NSUN3: variants seen among roughly 807,000 people sequenced by gnomAD.
NSUN3 encodes the protein NOP2/Sun RNA methyltransferase 3.
In NSUN3, 24 loss-of-function variants were observed where a neutral mutation model predicts 36.8. The ratio of observed to expected loss-of-function variants is 0.65; its 90% CI spans 0.47 to 0.92. NSUN3 has a LOEUF of 0.92. Ranked by LOEUF, NSUN3 falls within the 40% of genes least tolerant of loss-of-function variation. The pLI, the probability that NSUN3 is intolerant of heterozygous loss-of-function variation, is 0.00. For synonymous variants in NSUN3, 146 were observed against 145.2 expected, an observed-to-expected ratio of 1.01 and a Z score of -0.04; for missense variants, 381 against 392.8, an observed-to-expected ratio of 0.97 and a Z score of 0.25.
At chr3:94,107,589 T>C (rs1335113037) in intron 5 of NSUN3, among the ~76,000 whole-genome samples, 1 of 150,324 alleles carries the variant, frequency 6.7e-6, no homozygotes, top group Non-Finnish European at 1.5e-5. Flanking sequence ...GCCCGGCTAA[T>C]TTTTTTTTTA....
intron 3 of NSUN3, among the ~76,000 whole-genome samples, chr3:94,091,445 A>G (rs1382069431): frequency 6.6e-6 from 1 of 152,212 alleles, no homozygotes; most frequent in Non-Finnish European, 1.5e-5. Flanking sequence ...TAGAAAAAAA[A>G]TGAATAGCAA....
In NSUN3 at chr3:94,130,317, C is replaced by A. The variant is rs1050062665; in HGVS notation, c.*3827C>A. ...TTTATGACATCCTAGTAATAGCAGA[C>A]CCTGCACAAAGTGGATATCAGAGTT... On this transcript the variant is annotated 3_prime_UTR_variant, in exon 6 of 6. Coordinates refer to ENST00000314622, the MANE Select transcript of NSUN3 (RefSeq NM_022072.5). 2.4e-4 allele frequency among the ~76,000 whole-genome samples: 36 copies of A among 152,090 alleles called. No individual in the cohort carries two copies. The highest frequency in any genetic ancestry group is 4.9e-4 in the Non-Finnish European group (33 of 68,030).
At chr3:94,108,121 A>G (rs1365683953) in intron 5 of NSUN3, among the ~76,000 whole-genome samples, 1 of 151,888 alleles carries the variant, frequency 6.6e-6, no homozygotes, top group Non-Finnish European at 1.5e-5. Flanking sequence ...TAAACTTAGA[A>G]AAAAATGTAA....
intron 5 of NSUN3, among the ~76,000 whole-genome samples, chr3:94,116,985 CTTTTTTTTTT>C (rs60234250): frequency 1.2e-4 from 8 of 64,004 alleles, no homozygotes; most frequent in African/African-American, 4.6e-4. Flanking sequence ...TCTGCCACAA[CTTTTTTTTTT>C]TTTTTTTTTT....
At chr3:94,102,501 G>A (rs2077370180) in intron 5 of NSUN3, among the ~76,000 whole-genome samples, 1 of 152,054 alleles carries the variant, frequency 6.6e-6, no homozygotes, top group South Asian at 2.1e-4. Flanking sequence ...GAAAACAAAA[G>A]CAAACTACTA....
chr3:94,103,242 T>C (rs1576095114), intron 5 of NSUN3, among the ~76,000 whole-genome samples: 2 of 152,140 alleles, frequency 1.3e-5, no homozygotes, highest in African/African-American at 4.8e-5. Flanking sequence ...TTTTAAAATA[T>C]GGAAATGATT....
Position 94,063,101 on chromosome 3 carries a change from G to T in NSUN3, c.-26G>T. 2 of 1,614,094 alleles carry T rather than the reference G, an allele frequency of 1.2e-6. No individual in the cohort carries two copies. Among genetic ancestry groups the T allele is most frequent in the Non-Finnish European group, 1.7e-6 (2 of 1,179,986 alleles). On this transcript the variant is annotated 5_prime_UTR_variant, in exon 1 of 6. Coordinates refer to ENST00000314622, the MANE Select transcript of NSUN3 (RefSeq NM_022072.5). ...TTTTGATACTGATTCGCGTACACCT[G>T]TTGTTTGAAAGCTCTCAGCGGGACA...
intron 2 of NSUN3, among the ~76,000 whole-genome samples, chr3:94,065,257 A>G (rs189253593): frequency 3.3e-5 from 5 of 152,318 alleles, no homozygotes; most frequent in African/African-American, 1.2e-4. Context: ...GGGTGTGGTT[A>G]CAACTATATA....
intron 5 of NSUN3, among the ~76,000 whole-genome samples, chr3:94,098,241 G>T (rs2077351385): frequency 6.6e-6 from 1 of 152,002 alleles, no homozygotes; most frequent in South Asian, 2.1e-4. Flanking sequence ...CCTATTACAT[G>T]TGTCTCAAGT....
chr3:94,113,410 C>T (rs898580166), intron 5 of NSUN3, among the ~76,000 whole-genome samples: 2 of 151,998 alleles, frequency 1.3e-5, no homozygotes, highest in Non-Finnish European at 2.9e-5. Context: ...TGCCTCAGAA[C>T]TTAATTGAAA....
In NSUN3 at chr3:94,084,746, A is replaced by G. The variant is rs937805742; in HGVS notation, c.466+296A>G. 3.1e-5 allele frequency: 8 copies of G among 257,236 alleles called. No homozygotes were observed. The East Asian group carries it at 5.9e-4, about 19-fold the overall frequency. 15.9% of individuals were successfully genotyped at this position (257,236 alleles called of 1,614,324 possible). A position where few individuals can be genotyped will look rare whatever the true frequency, so the allele number is the denominator to read the frequency against. On this transcript the variant is annotated intron_variant, in intron 3 of 5. Transcript: ENST00000314622. ...GCCTGATAGGTATTTTTTATTGTTT[A>G]CCTTTATACTTGAGAGTCTTATGTA...
intron 5 of NSUN3, among the ~76,000 whole-genome samples, chr3:94,116,206 C>T (rs2077439623): frequency 6.6e-6 from 1 of 152,112 alleles, no homozygotes; most frequent in African/African-American, 2.4e-5. Context: ...AGAGAAGCAA[C>T]ACATTCTCAC....
chr3:94,086,544 T>A (rs1383945810), intron 3 of NSUN3, among the ~76,000 whole-genome samples: 3 of 152,220 alleles, frequency 2.0e-5, no homozygotes, highest in Admixed American at 2.0e-4. Context: ...TTTATACTTT[T>A]ATATGAGAGC....
At chr3:94,079,431 C>G (rs562730442) in intron 2 of NSUN3, among the ~76,000 whole-genome samples, 28 of 152,206 alleles carry the variant, frequency 1.8e-4, no homozygotes, top group African/African-American at 6.5e-4. Flanking sequence ...CGAGGAGTAT[C>G]TTTGTGGTGG....
chr3:94,101,814 C>T (rs866629846), intron 5 of NSUN3, among the ~76,000 whole-genome samples: 9 of 151,506 alleles, frequency 5.9e-5, no homozygotes, highest in South Asian at 4.2e-4. Flanking sequence ...AAATGTATTA[C>T]GAAAAATAAA....
chr3:94,117,292 G>A (rs1397327011), intron 5 of NSUN3, among the ~76,000 whole-genome samples: 3 of 151,886 alleles, frequency 2.0e-5, no homozygotes, highest in South Asian at 2.1e-4. Flanking sequence ...GAGTCACCAC[G>A]CCCGGCCTCA....
chr3:94,063,356 T>A, intron 1 of NSUN3: 1 of 546,602 alleles, frequency 1.8e-6, no homozygotes, highest in East Asian at 2.8e-5. Flanking sequence ...TAGTACCCAC[T>A]CCCTCCAGCT....
intron 5 of NSUN3, among the ~76,000 whole-genome samples, chr3:94,100,107 G>T (rs2077358957): frequency 6.6e-6 from 1 of 152,162 alleles, no homozygotes; most frequent in Non-Finnish European, 1.5e-5. Context: ...AACAAATATT[G>T]TCTGGCCCCA....
At position 94,126,367 on chromosome 3, in the gene NSUN3, C is replaced by T. The variant is rs150153749; in HGVS notation, c.900C>T (p.His300=). ...AAGGAATAGCAAGGACTTGCTCCCACGACTTCACATTTGCTCCCACTGGCC... is the reference window on the plus strand; with the variant it reads ...AAGGAATAGCAAGGACTTGCTCCCATGACTTCACATTTGCTCCCACTGGCC... ...DIKGIARTCS[H]DFTFAPTGQE... Residue 300 remains histidine (H), a synonymous_variant, in exon 6 of 6, where the codon CAC becomes CAT. Coordinates refer to ENST00000314622, the MANE Select transcript of NSUN3 (RefSeq NM_022072.5). 48 of 1,614,010 alleles carry T rather than the reference C, an allele frequency of 3.0e-5. No individual in the cohort carries two copies. Among genetic ancestry groups the T allele is most frequent in the South Asian group, 6.6e-5 (6 of 91,094 alleles).
Sources: allele counts gnomAD v4.1 joint callset (sites outside exome capture counted in the v4.1 genomes callset), GRCh38; gene constraint gnomAD v4.1.1; transcripts MANE v1.5; gene names NCBI Gene and HGNC (gene_info 2026-07-23, HGNC 2026-07-21).